TWSG1: variants seen among roughly 807,000 people sequenced by gnomAD.
TWSG1 encodes the protein twisted gastrulation BMP signaling modulator 1, also known as twisted gastrulation protein homolog 1.
A neutral mutation model predicts 23.0 loss-of-function variants in TWSG1; 15 were observed. The observed-to-expected ratio is 0.65, with a 90% CI of 0.44 to 1.00. TWSG1 has a LOEUF of 1.00. Among genes scored for constraint, TWSG1 ranks in the 50% least tolerant of loss-of-function variants. The pLI is 0.00. For synonymous variants in TWSG1, 86 were observed against 92.8 expected, an observed-to-expected ratio of 0.93 and a Z score of 0.42; for missense variants, 242 against 278.7, an observed-to-expected ratio of 0.87 and a Z score of 0.94.
chr18:9,391,585 C>T (rs542168991), intron 3 of TWSG1, among the ~76,000 whole-genome samples: 5 of 152,130 alleles, frequency 3.3e-5, no homozygotes, highest in East Asian at 3.9e-4. Context: ...TTCCTGCTGC[C>T]GCAAGACAAT....
intron 2 of TWSG1, among the ~76,000 whole-genome samples, chr18:9,357,191 C>T (rs940930790): frequency 6.6e-6 from 1 of 152,158 alleles, no homozygotes; most frequent in Non-Finnish European, 1.5e-5. Flanking sequence ...CTTTCAGTCC[C>T]TCTGTTTCTG....
rs9963235 is a variant in TWSG1, at chr18:9,362,206, C to A, written c.223+2135C>A. Among the ~76,000 whole-genome samples, 575 of 152,240 alleles carry A rather than the reference C, an allele frequency of 3.8e-3. 4 individuals are homozygous for A. Among genetic ancestry groups the A allele is most frequent in the African/African-American group, 0.012 (504 of 41,554 alleles). ...AATAGTCATCTTAATCTCTGATATACACACATAAGATTTTTTTTTGAGACA... is the reference window on the plus strand; with the variant it reads ...AATAGTCATCTTAATCTCTGATATAAACACATAAGATTTTTTTTTGAGACA... On this transcript the variant is annotated intron_variant, in intron 3 of 4. Transcript: ENST00000262120.
rs1467234233 is a variant in TWSG1, at chr18:9,380,732, C to T, written c.224-15548C>T. Among the ~76,000 whole-genome samples, 3 of 152,168 alleles carry T rather than the reference C, an allele frequency of 2.0e-5. No homozygotes were observed. In the East Asian group the frequency reaches 5.8e-4, roughly 29 times the overall value. ...TTATGAAATTGCCTCAGCTGAACTA[C>T]ACTTGGCTTTACACATTGAGTCTTC... On this transcript the variant is annotated intron_variant, in intron 3 of 4. Coordinates refer to ENST00000262120, the MANE Select transcript of TWSG1 (RefSeq NM_020648.6).
At chr18:9,392,805 G>A (rs1001228314) in intron 3 of TWSG1, among the ~76,000 whole-genome samples, 1 of 152,148 alleles carries the variant, frequency 6.6e-6, no homozygotes, top group Non-Finnish European at 1.5e-5. Context: ...AGTGAGAGAC[G>A]TGAACACTTG....
chr18:9,376,984 A>G (rs995656876), intron 3 of TWSG1, among the ~76,000 whole-genome samples: 2 of 152,132 alleles, frequency 1.3e-5, no homozygotes, highest in African/African-American at 4.8e-5. Context: ...ATTATGTATC[A>G]TAAGTAATCT....
chr18:9,367,261 AT>A (rs1305602718), intron 3 of TWSG1, among the ~76,000 whole-genome samples: 1 of 152,146 alleles, frequency 6.6e-6, no homozygotes, highest in African/African-American at 2.4e-5. Context: ...ATACATTGTT[AT>A]TAGCTATAGT....
chr18:9,386,031 T>C (rs1038993950), intron 3 of TWSG1, among the ~76,000 whole-genome samples: 3 of 151,044 alleles, frequency 2.0e-5, no homozygotes, highest in Non-Finnish European at 4.4e-5. Context: ...TAGCTAGGCG[T>C]GGTGGCGCAT....
chr18:9,357,092 T>C (rs2040530560), intron 2 of TWSG1, among the ~76,000 whole-genome samples: 1 of 152,190 alleles, frequency 6.6e-6, no homozygotes, highest in Admixed American at 6.5e-5. Context: ...ACTCTGTTTT[T>C]CTACATTTCC....
chr18:9,344,003 C>T (rs557805430), intron 2 of TWSG1, among the ~76,000 whole-genome samples: 6 of 152,270 alleles, frequency 3.9e-5, no homozygotes, highest in African/African-American at 9.6e-5. Flanking sequence ...TGGGCTCAAA[C>T]GATCCTCTCA....
At chr18:9,356,580 C>A (rs756839752) in intron 2 of TWSG1, among the ~76,000 whole-genome samples, 5 of 152,098 alleles carry the variant, frequency 3.3e-5, no homozygotes, top group Admixed American at 1.3e-4. Flanking sequence ...AGACTATATT[C>A]TTTGAATAGA....
intron 2 of TWSG1, among the ~76,000 whole-genome samples, chr18:9,345,279 G>A (rs2145594449): frequency 6.6e-6 from 1 of 152,008 alleles, no homozygotes; most frequent in East Asian, 1.9e-4. Flanking sequence ...TGTTACTTGT[G>A]CTTTTGGTGT....
rs550892923 is a variant in TWSG1 at position 9,365,449 on chromosome 18, C to T, written c.223+5378C>T. 5.9e-5 allele frequency among the ~76,000 whole-genome samples: 9 copies of T among 152,104 alleles called. 1 individual carries two copies. The East Asian group carries it at 1.7e-3, about 29-fold the overall frequency. On this transcript the variant is annotated intron_variant, in intron 3 of 4. Coordinates refer to ENST00000262120, the MANE Select transcript of TWSG1 (RefSeq NM_020648.6). Reference sequence around the variant, plus strand: ...CAGCACTCTGGGAGGCCAAGGCAGGCGGATCACTTAAGTTTGAGACCAACC... The same window carrying T: ...CAGCACTCTGGGAGGCCAAGGCAGGTGGATCACTTAAGTTTGAGACCAACC...
At chr18:9,372,484 G>A (rs1299568343) in intron 3 of TWSG1, among the ~76,000 whole-genome samples, 2 of 148,378 alleles carry the variant, frequency 1.3e-5, no homozygotes, top group Non-Finnish European at 3.0e-5. Context: ...AATTGAAACT[G>A]GAAAGCAAAA....
chr18:9,364,795 G>GAA (rs776416088), intron 3 of TWSG1, among the ~76,000 whole-genome samples: 2 of 140,156 alleles, frequency 1.4e-5, no homozygotes, highest in African/African-American at 5.2e-5. Flanking sequence ...CTCTGTCTCA[G>GAA]AAAAAAAAAA....
Position 9,359,992 on chromosome 18 carries a change from G to T in TWSG1, c.144G>T (p.Pro48=), listed in dbSNP as rs142770364. The T allele has an allele frequency of 1.2e-6, 2 of 1,613,212 alleles. No individual in the cohort carries two copies. The highest frequency in any genetic ancestry group is 4.5e-5 in the East Asian group (2 of 44,836). Residue 48 remains proline (P), a synonymous_variant, in exon 3 of 5, where the codon CCG becomes CCT. Transcript: ENST00000262120. ...CLIQELCQCR[P]GEGNCSCCKE... ...TCTAGGAGCTCTGCCAGTGCCGGCC[G>T]GGAGAAGGCAATTGCTCCTGCTGTA...
intron 2 of TWSG1, among the ~76,000 whole-genome samples, chr18:9,345,588 T>C (rs542602662): frequency 6.6e-6 from 1 of 152,360 alleles, no homozygotes; most frequent in African/African-American, 2.4e-5. Flanking sequence ...ATTTATGGAC[T>C]GTCAGTTCTA....
intron 2 of TWSG1, among the ~76,000 whole-genome samples, chr18:9,358,172 C>T (rs760336687): frequency 2.0e-5 from 3 of 152,022 alleles, no homozygotes; most frequent in Non-Finnish European, 4.4e-5. Context: ...ATCAGAATGG[C>T]GTCTTCCCTC....
intron 4 of TWSG1, among the ~76,000 whole-genome samples, chr18:9,398,272 T>G (rs2040747110): frequency 6.6e-6 from 1 of 152,140 alleles, no homozygotes; most frequent in Non-Finnish European, 1.5e-5. Context: ...ATTCATAAAT[T>G]TTGCTCAAAG....
intron 3 of TWSG1, among the ~76,000 whole-genome samples, chr18:9,383,189 T>A (rs2040666737): frequency 1.7e-5 from 1 of 60,130 alleles, no homozygotes; most frequent in Admixed American, 2.7e-4. Flanking sequence ...ACACGTTTTT[T>A]TTTTGTTTTT....
Sources: allele counts gnomAD v4.1 joint callset (sites outside exome capture counted in the v4.1 genomes callset), GRCh38; gene constraint gnomAD v4.1.1; transcripts MANE v1.5; gene names NCBI Gene and HGNC (gene_info 2026-07-23, HGNC 2026-07-21).